PLCXD3: variants seen among roughly 807,000 people sequenced by gnomAD.
The protein encoded by PLCXD3 is PI-PLC X domain-containing protein 3.
Under a neutral mutation model 25.5 loss-of-function variants are expected in PLCXD3, and 19 were observed. The ratio of observed to expected loss-of-function variants is 0.75; its 90% CI spans 0.52 to 1.09. The LOEUF (loss-of-function observed/expected upper bound fraction) is 1.09, where lower values mean the gene tolerates loss of function less well. Ranked by LOEUF, PLCXD3 falls within the 50% of genes least tolerant of loss-of-function variation. PLCXD3 has a pLI of 0.00. For missense variants in PLCXD3, 411 were observed against 388.1 expected, an observed-to-expected ratio of 1.06 and a Z score of -0.50; for synonymous variants, 174 against 137.6, an observed-to-expected ratio of 1.26 and a Z score of -1.85.
intron 2 of PLCXD3, among the ~76,000 whole-genome samples, chr5:41,372,085 C>A (rs965402737): frequency 1.3e-5 from 2 of 151,976 alleles, no homozygotes; most frequent in African/African-American, 2.4e-5. Flanking sequence ...CCCCCATCGA[C>A]CTACCTCCTT....
At chr5:41,370,963 T>A (rs886787674) in intron 2 of PLCXD3, among the ~76,000 whole-genome samples, 1 of 152,150 alleles carries the variant, frequency 6.6e-6, no homozygotes, top group East Asian at 1.9e-4. Context: ...CTCTCCATCA[T>A]CTGGGAAATT....
At chr5:41,448,089 TAAAG>T (rs1040461819) in intron 1 of PLCXD3, among the ~76,000 whole-genome samples, 24 of 152,302 alleles carry the variant, frequency 1.6e-4, no homozygotes, top group Admixed American at 1.4e-3. Context: ...TTAAACACCA[TAAAG>T]AGTTAAGACA....
intron 2 of PLCXD3, among the ~76,000 whole-genome samples, chr5:41,315,932 C>T (rs1158262066): frequency 6.6e-6 from 1 of 152,188 alleles, no homozygotes; most frequent in Non-Finnish European, 1.5e-5. Flanking sequence ...CCACAGAGGG[C>T]TATAGTGTTC....
intron 2 of PLCXD3, among the ~76,000 whole-genome samples, chr5:41,368,842 T>C (rs1745011867): frequency 1.3e-5 from 2 of 152,232 alleles, no homozygotes; most frequent in Admixed American, 1.3e-4. Context: ...ATTTTCAATC[T>C]ACAGCTGACC....
intron 2 of PLCXD3, among the ~76,000 whole-genome samples, chr5:41,323,939 T>C (rs1010418767): frequency 6.6e-6 from 1 of 152,110 alleles, no homozygotes; most frequent in African/African-American, 2.4e-5. Context: ...GATTTTGAGG[T>C]GACTTTGGAA....
chr5:41,346,216 A>T (rs895063267), intron 2 of PLCXD3, among the ~76,000 whole-genome samples: 1 of 152,252 alleles, frequency 6.6e-6, no homozygotes, highest in African/African-American at 2.4e-5. Context: ...ACTTACCCAG[A>T]AAGTACAGAG....
At chr5:41,450,605 G>T (rs1747606536) in intron 1 of PLCXD3, among the ~76,000 whole-genome samples, 1 of 152,054 alleles carries the variant, frequency 6.6e-6, no homozygotes, top group Non-Finnish European at 1.5e-5. Flanking sequence ...AGTAAAGAAA[G>T]AGGCAAGCTT....
intron 1 of PLCXD3, among the ~76,000 whole-genome samples, chr5:41,487,940 A>G (rs1561287597): frequency 6.6e-6 from 1 of 151,930 alleles, no homozygotes; most frequent in Non-Finnish European, 1.5e-5. Context: ...ATTATACTTC[A>G]AGTTTTAGGG....
chr5:41,381,779 A>G (rs1427370472), intron 2 of PLCXD3, 47 bp downstream of exon 2: 2 of 1,485,580 alleles, frequency 1.3e-6, no homozygotes, highest in Admixed American at 2.2e-5. Flanking sequence ...CTATAAATTC[A>G]AGTTAAATTA....
chr5:41,372,294 TCTCTCACACA>T (rs1465361692), intron 2 of PLCXD3, among the ~76,000 whole-genome samples: 90 of 133,340 alleles, frequency 6.7e-4, no homozygotes, highest in African/African-American at 2.7e-3. Flanking sequence ...TCTCTCTCTC[TCTCTCACACA>T]CACACACACA....
intron 1 of PLCXD3, among the ~76,000 whole-genome samples, chr5:41,457,372 T>G (rs902176323): frequency 6.6e-6 from 1 of 151,928 alleles, no homozygotes; most frequent in Non-Finnish European, 1.5e-5. Flanking sequence ...CTGTGGTAGA[T>G]ATAGTTAGCT....
At chr5:41,342,188 A>C (rs1744171018) in intron 2 of PLCXD3, among the ~76,000 whole-genome samples, 1 of 152,180 alleles carries the variant, frequency 6.6e-6, no homozygotes, top group South Asian at 2.1e-4. Context: ...TTATCAGCTC[A>C]GAGTATCCTA....
At position 41,382,009 on chromosome 5, in the gene PLCXD3, T is replaced by G. The variant is rs1745478182; in HGVS notation, c.629A>C (p.Gln210Pro). 6.2e-7 allele frequency: 1 copy of G among 1,613,486 alleles called. No homozygotes were observed. The highest frequency in any genetic ancestry group is 8.5e-7 in the Non-Finnish European group (1 of 1,179,766). Residue 210 changes from glutamine to proline, a missense_variant, in exon 2 of 3, where the codon CAG (glutamine) becomes CCG (proline). Transcript: ENST00000377801. ...ALEVPFLWPG[Q>P]MMPAPWANTT... ...GTTGGCCCAGGGTGCTGGCATCATCTGCCCAGGCCAGAGAAAGGGCACTTC... is the reference window on the plus strand; with the variant it reads ...GTTGGCCCAGGGTGCTGGCATCATCGGCCCAGGCCAGAGAAAGGGCACTTC...
chr5:41,479,969 T>C (rs565111643), intron 1 of PLCXD3, among the ~76,000 whole-genome samples: 1 of 152,286 alleles, frequency 6.6e-6, no homozygotes, highest in African/African-American at 2.4e-5. Context: ...GAAAAGAATC[T>C]AGTAGAATTT....
intron 1 of PLCXD3, among the ~76,000 whole-genome samples, chr5:41,446,165 A>G (rs1726189864): frequency 8.6e-6 from 1 of 115,990 alleles, no homozygotes; most frequent in Non-Finnish European, 1.8e-5. Context: ...CGACGGAGCC[A>G]GACTCCTTCT....
intron 2 of PLCXD3, among the ~76,000 whole-genome samples, chr5:41,370,560 G>A (rs898135725): frequency 9.2e-5 from 14 of 152,142 alleles, no homozygotes; most frequent in African/African-American, 3.4e-4. Flanking sequence ...GCAACTCCTT[G>A]CCCTTTTATC....
intron 1 of PLCXD3, among the ~76,000 whole-genome samples, chr5:41,459,691 A>G (rs1580383797): frequency 6.6e-6 from 1 of 151,768 alleles, no homozygotes; most frequent in Non-Finnish European, 1.5e-5. Context: ...ACTCAGTTCC[A>G]TCAGAGACAC....
At chr5:41,507,979 CAAACCTGTTTTT>C (rs1478136455) in intron 1 of PLCXD3, among the ~76,000 whole-genome samples, 2 of 152,154 alleles carry the variant, frequency 1.3e-5, no homozygotes, top group Admixed American at 6.5e-5. Context: ...AAAAAGGTGC[CAAACCTGTTTTT>C]AAACCTGGTT....
At chr5:41,350,167 C>G (rs1325259246) in intron 2 of PLCXD3, among the ~76,000 whole-genome samples, 2 of 152,122 alleles carry the variant, frequency 1.3e-5, no homozygotes, top group Non-Finnish European at 2.9e-5. Flanking sequence ...AGTTTAGGCT[C>G]TCCTCCCACT....
Sources: gnomAD v4.1 joint callset for allele counts (sites outside exome capture counted in the v4.1 genomes callset) on GRCh38, gnomAD v4.1.1 for gene constraint, MANE v1.5 for transcripts, NCBI Gene and HGNC (gene_info 2026-07-23, HGNC 2026-07-21) for gene names.